DPP6: variants seen among roughly 807,000 people sequenced by gnomAD.
DPP6 encodes A-type potassium channel modulatory protein DPP6.
A neutral mutation model predicts 122.6 loss-of-function variants in DPP6; 69 were observed. The observed-to-expected ratio is 0.56, with a 90% CI of 0.46 to 0.69. The LOEUF is 0.69. Among genes scored for constraint, DPP6 ranks in the 30% least tolerant of loss-of-function variants. The pLI, the probability that DPP6 is intolerant of heterozygous loss-of-function variation, is 0.00. For missense variants in DPP6, 928 were observed against 1,116.9 expected, an observed-to-expected ratio of 0.83 and a Z score of 2.41; for synonymous variants, 418 against 433.1, an observed-to-expected ratio of 0.97 and a Z score of 0.43.
At chr7:154,753,323 G>A (rs1370017234) in intron 8 of DPP6, among the ~76,000 whole-genome samples, 1 of 152,186 alleles carries the variant, frequency 6.6e-6, no homozygotes, top group Non-Finnish European at 1.5e-5. Flanking sequence ...TTATTTACTC[G>A]AAAGCAGTGA....
At chr7:154,450,609 G>A (rs192246825) in intron 2 of DPP6, among the ~76,000 whole-genome samples, 2 of 152,306 alleles carry the variant, frequency 1.3e-5, no homozygotes, top group Non-Finnish European at 2.9e-5. Context: ...AGCGAGCTTC[G>A]TGAATGGAGC....
At chr7:154,051,862 C>A (rs1367070315), upstream of DPP6, among the ~76,000 whole-genome samples, 1 of 150,390 alleles carries the variant, frequency 6.6e-6, no homozygotes, top group African/African-American at 2.4e-5. Context: ...AGGGCGGCCT[C>A]TTCACCAGCG....
the DPP6 span, among the ~76,000 whole-genome samples, chr7:153,879,944 ATTAAATT>A: frequency 6.6e-6 from 1 of 152,194 alleles, no homozygotes; most frequent in Non-Finnish European, 1.5e-5. Context: ...ACACATAATA[ATTAAATT>A]TTAAAAAGCT....
rs1563189843 is a variant in DPP6, at chr7:154,769,398, CT to C, written c.884-18del. 6.2e-7 allele frequency: 1 copy of C among 1,613,110 alleles called. No individual in the cohort carries two copies. The highest frequency in any genetic ancestry group is 8.5e-7 in the Non-Finnish European group (1 of 1,179,648). ...CTCACTTGTTACTATTCACATTTCT[CT>C]ACTCTGTTTTCCCTTAGAGGAGATT... On this transcript the variant is annotated intron_variant, in intron 8 of 25. Transcript: ENST00000377770.
At chr7:154,777,914 T>G (rs1450175475) in intron 10 of DPP6, among the ~76,000 whole-genome samples, 1 of 152,116 alleles carries the variant, frequency 6.6e-6, no homozygotes, top group East Asian at 1.9e-4. Flanking sequence ...TTGCTTCCAT[T>G]TATTTGTTTT....
At chr7:153,920,361 C>A (rs1326254250) in intron 1 of DPP6, among the ~76,000 whole-genome samples, 2 of 152,100 alleles carry the variant, frequency 1.3e-5, no homozygotes, top group Non-Finnish European at 2.9e-5. Flanking sequence ...GCTAAAGAAT[C>A]TTTTGCGATG....
At chr7:154,604,831 G>A (rs10270940) in intron 5 of DPP6, among the ~76,000 whole-genome samples, 16,581 of 118,968 alleles carry the variant, frequency 0.14, 4,785 homozygotes, top group African/African-American at 0.16. Context: ...AAACAATGAC[G>A]GTTTTGTTTC....
In DPP6 at chr7:153,931,088, TG is replaced by T. The variant is rs1801149306; in HGVS notation, c.51+43355del. Among the ~76,000 whole-genome samples the T allele has an allele frequency of 2.0e-5, 3 of 152,214 alleles. 1 individual carries two copies. The South Asian group carries it at 6.2e-4, about 32-fold the overall frequency. The stretch of plus-strand genomic sequence containing the variant: ...GTATAGGAAATGACGCTCACTGGGA[TG>T]TATCTGTCTTTCTTGGCCTTTCAGA... On this transcript the variant is annotated intron_variant, in intron 1 of 25. Transcript: ENST00000404039.
At chr7:154,074,997 A>T (rs1049408963) in intron 1 of DPP6, among the ~76,000 whole-genome samples, 1 of 151,624 alleles carries the variant, frequency 6.6e-6, no homozygotes, top group Non-Finnish European at 1.5e-5. Flanking sequence ...GGCTAAGGAC[A>T]TGAATAGAAA....
At chr7:154,657,729 G>A (rs58121479) in intron 6 of DPP6, among the ~76,000 whole-genome samples, 29,035 of 129,780 alleles carry the variant, frequency 0.22, 12,872 homozygotes, top group African/African-American at 0.5. Flanking sequence ...GAGAGGCTAC[G>A]TGGGAGGAGG....
intron 1 of DPP6, among the ~76,000 whole-genome samples, chr7:153,933,565 T>G (rs1399601366): frequency 6.6e-6 from 1 of 152,208 alleles, no homozygotes; most frequent in Non-Finnish European, 1.5e-5. Flanking sequence ...GTGTGGCTCT[T>G]TAATAGGCAT....
At chr7:154,639,333 G>A (rs1396068695) in intron 6 of DPP6, among the ~76,000 whole-genome samples, 1 of 152,178 alleles carries the variant, frequency 6.6e-6, no homozygotes, top group Non-Finnish European at 1.5e-5. Context: ...TTAAAAGTAT[G>A]TTTTAAATAG....
chr7:154,834,050 A>C (rs564724478), intron 16 of DPP6, among the ~76,000 whole-genome samples: 1 of 152,164 alleles, frequency 6.6e-6, no homozygotes, highest in African/African-American at 2.4e-5. Flanking sequence ...TGAAGAAACA[A>C]CTCAATGATG....
At chr7:154,429,095 G>T (rs923753864) in intron 1 of DPP6, among the ~76,000 whole-genome samples, 1 of 151,770 alleles carries the variant, frequency 6.6e-6, no homozygotes. Flanking sequence ...TAAAGGCCTG[G>T]CCTCAGGTCT....
intron 12 of DPP6, among the ~76,000 whole-genome samples, chr7:154,800,648 T>C (rs1036979470): frequency 6.6e-5 from 10 of 152,206 alleles, no homozygotes; most frequent in African/African-American, 2.4e-4. Context: ...CTGGGCATGC[T>C]GATTCTGTTT....
chr7:153,800,229 T>C, the DPP6 span, among the ~76,000 whole-genome samples: 3 of 152,186 alleles, frequency 2.0e-5, no homozygotes, highest in Non-Finnish European at 2.9e-5. Context: ...CACAATGGAA[T>C]ACTAGTTAGC....
intron 1 of DPP6, among the ~76,000 whole-genome samples, chr7:154,099,507 G>A (rs1328432216): frequency 6.6e-6 from 1 of 152,092 alleles, no homozygotes; most frequent in Non-Finnish European, 1.5e-5. Flanking sequence ...TAAAAGCGTG[G>A]CCAAGAGGTC....
chr7:154,427,784 T>C (rs1245964614), intron 1 of DPP6, among the ~76,000 whole-genome samples: 1 of 152,206 alleles, frequency 6.6e-6, no homozygotes, highest in African/African-American at 2.4e-5. Flanking sequence ...GGGCCTTCAA[T>C]AGCAGCCTTC....
intron 4 of DPP6, among the ~76,000 whole-genome samples, chr7:154,543,851 G>A (rs919751131): frequency 6.6e-6 from 1 of 151,748 alleles, no homozygotes. Context: ...AAAGTTAGCC[G>A]AGCATGGTGG....
Sources: gnomAD v4.1 joint callset for allele counts (sites outside exome capture counted in the v4.1 genomes callset) on GRCh38, gnomAD v4.1.1 for gene constraint, MANE v1.5 for transcripts, NCBI Gene and HGNC (gene_info 2026-07-23, HGNC 2026-07-21) for gene names.